Variants in MTUS1 observed in about 807,000 individuals in gnomAD.
MTUS1 encodes microtubule associated scaffold protein 1, also known as microtubule-associated tumor suppressor 1.
MTUS1 carries 109 observed loss-of-function variants against 120.8 expected under a neutral mutation model. That is an observed-to-expected ratio of 0.90 (90% CI 0.77 to 1.06). The LOEUF (loss-of-function observed/expected upper bound fraction) is 1.06, where lower values mean the gene tolerates loss of function less well. MTUS1 is among the 50% of genes least tolerant of loss of function. The probability of loss-of-function intolerance (pLI) is 0.00; values close to 1 mark genes in which losing one functional copy is unlikely to be tolerated. For missense variants in MTUS1, 2,210 were observed against 1,486.3 expected (o/e 1.49, Z -8.01); for synonymous variants, 737 against 550.5 (o/e 1.34, Z -4.74).
chr8:17,739,145 A>T (rs1197305430), intron 3 of MTUS1, among the ~76,000 whole-genome samples: 1 of 152,012 alleles, frequency 6.6e-6, no homozygotes, highest in Admixed American at 6.6e-5. Context: ...TGTCTCAAAA[A>T]AACAAACAAA....
At position 17,760,050 on chromosome 8, in the gene MTUS1, TC is replaced by T. The variant is rs145551523; in HGVS notation, c.-154-4090del. Among the ~76,000 whole-genome samples the T allele has an allele frequency of 2.9e-5, 4 of 138,856 alleles. No homozygotes were observed. In the Admixed American group the frequency reaches 3.0e-4, roughly 10 times the overall value. 91.1% of individuals were successfully genotyped at this position (138,856 alleles called of 152,430 possible). On this transcript the variant is annotated intron_variant, in intron 1 of 14. Transcript: ENST00000693296. ...ATAGCAGGACCCTACCTCTACGATT[TC>T]TTTTCTTTTTTTTTTTTTTTTTAGC... is the stretch of plus-strand genomic sequence containing the variant.
At chr8:17,765,875 G>A (rs2049448491) in intron 1 of MTUS1, among the ~76,000 whole-genome samples, 2 of 151,890 alleles carry the variant, frequency 1.3e-5, no homozygotes, top group Admixed American at 6.6e-5. Flanking sequence ...GTACCATAGG[G>A]CTTCTAAATT....
chr8:17,657,466 G>T (rs891948979), intron 8 of MTUS1, among the ~76,000 whole-genome samples: 1 of 150,256 alleles, frequency 6.7e-6, no homozygotes, highest in Non-Finnish European at 1.5e-5. Context: ...TACTTGGGAG[G>T]CTGAGGCAGG....
At chr8:17,761,686 C>T (rs1438805245) in intron 1 of MTUS1, among the ~76,000 whole-genome samples, 1 of 152,138 alleles carries the variant, frequency 6.6e-6, no homozygotes, top group African/African-American at 2.4e-5. Context: ...AAAAGTAAAA[C>T]ATAAGAACTG....
rs752375580 is a variant in MTUS1 at position 17,754,721 on chromosome 8, G to C, written c.1087C>G (p.Gln363Glu). ...ACTTTATGCTCTGGGTTCAGCACTT[G>C]AGCTTCGCTCTTATCAAAAGCTGGC... is the stretch of plus-strand genomic sequence containing the variant. ...MVPAFDKSEA[Q>E]VLNPEHKVTE... The change falls in exon 2 of 15, where the codon CAA becomes GAA. Residue 363 changes from glutamine (Q) to glutamate (E), a missense_variant. Gln to Glu is a conservative substitution (Grantham distance 29). Coordinates refer to ENST00000693296, the MANE Select transcript of MTUS1 (RefSeq NM_001363059.2). The C allele has an allele frequency of 1.2e-6, 2 of 1,614,198 alleles. No individual in the cohort carries two copies. The highest frequency in any genetic ancestry group is 8.5e-7 in the Non-Finnish European group (1 of 1,180,042).
chr8:17,656,545 A>ACCG (rs1563145862), intron 8 of MTUS1, among the ~76,000 whole-genome samples: 6 of 105,974 alleles, frequency 5.7e-5, no homozygotes, highest in South Asian at 3.8e-4. Context: ...AACAAACAAA[A>ACCG]CCCCCCCCCA....
chr8:17,774,217 C>G (rs1005753983), intron 1 of MTUS1, among the ~76,000 whole-genome samples: 1 of 152,174 alleles, frequency 6.6e-6, no homozygotes, highest in Admixed American at 6.6e-5. Context: ...AATCTGAAAC[C>G]CATTTAAACC....
At chr8:17,681,051 A>G (rs1026905582) in intron 7 of MTUS1, among the ~76,000 whole-genome samples, 3 of 151,980 alleles carry the variant, frequency 2.0e-5, no homozygotes, top group African/African-American at 7.3e-5. Flanking sequence ...CTTCTACCTT[A>G]GCCTCCCGAG....
intron 1 of MTUS1, among the ~76,000 whole-genome samples, chr8:17,767,005 A>G (rs1353371278): frequency 6.6e-6 from 1 of 152,170 alleles, no homozygotes. Flanking sequence ...TGACCAGTAT[A>G]TAATAAGACT....
chr8:17,754,428 C>A lies in MTUS1; in HGVS notation c.1380G>T (p.Gly460=). The change falls in exon 2 of 15, where the codon GGG becomes GGT. Residue 460 remains glycine (G), a synonymous_variant. Transcript: ENST00000693296. ...KCKKVEKGNR[G]LKNIPDSKEA... is the part of the protein sequence containing the mutation. ...CCTTCGAGTCTGGTATGTTTTTAAGCCCTCGATTACCCTTCTCCACTTTCT... is the reference window on the plus strand; with the variant it reads ...CCTTCGAGTCTGGTATGTTTTTAAGACCTCGATTACCCTTCTCCACTTTCT... 1 of 1,614,118 alleles carries A rather than the reference C, an allele frequency of 6.2e-7. No homozygotes were observed. The highest frequency in any genetic ancestry group is 1.1e-5 in the South Asian group (1 of 91,070).
At chr8:17,737,233 A>G (rs1055183017) in intron 3 of MTUS1, among the ~76,000 whole-genome samples, 1 of 152,198 alleles carries the variant, frequency 6.6e-6, no homozygotes, top group East Asian at 1.9e-4. Context: ...TGGACACGTT[A>G]CTGAAGCTTT....
chr8:17,656,314 G>C (rs987954444), intron 8 of MTUS1, among the ~76,000 whole-genome samples: 2 of 151,790 alleles, frequency 1.3e-5, no homozygotes, highest in East Asian at 3.9e-4. Flanking sequence ...AATCACCTGA[G>C]GTCAGGAGTT....
chr8:17,766,872 CT>C (rs925099833), intron 1 of MTUS1, among the ~76,000 whole-genome samples: 4 of 151,686 alleles, frequency 2.6e-5, no homozygotes, highest in African/African-American at 9.7e-5. Context: ...AAAATATGAT[CT>C]TTCTTTTAAT....
rs530781115 is a variant in MTUS1, at chr8:17,749,194, C to T, written c.2091+4523G>A. Among the ~76,000 whole-genome samples the T allele has an allele frequency of 3.9e-5, 6 of 152,228 alleles. No individual in the cohort carries two copies. The South Asian group carries it at 1.2e-3, about 32-fold the overall frequency. ...AACAAAGACCTTAAGACTGATAGAA[C>T]AGACTCTTTTAAGTCTGATAAGCAA... On this transcript the variant is annotated intron_variant, in intron 2 of 14. Coordinates refer to ENST00000693296, the MANE Select transcript of MTUS1 (RefSeq NM_001363059.2).
intron 3 of MTUS1, among the ~76,000 whole-genome samples, chr8:17,724,723 A>T (rs2046097808): frequency 6.6e-6 from 1 of 152,112 alleles, no homozygotes; most frequent in Non-Finnish European, 1.5e-5. Flanking sequence ...TTTCGCTCTT[A>T]ACCCTCCTCA....
intron 1 of MTUS1, among the ~76,000 whole-genome samples, chr8:17,766,365 G>C (rs975052857): frequency 2.6e-5 from 4 of 152,156 alleles, no homozygotes; most frequent in African/African-American, 9.7e-5. Context: ...TCATGCCAAA[G>C]GCCACATACA....
chr8:17,720,023 T>C lies in MTUS1; in HGVS notation c.2449+3649A>G, dbSNP rs574987810. On this transcript the variant is annotated intron_variant, in intron 4 of 14. Transcript: ENST00000693296. ...GCTGGAGGCTAAGAAAAGACAAAGA[T>C]AGTCCAACTTAACATGAGTTAGTAG... Among the ~76,000 whole-genome samples the C allele has an allele frequency of 1.8e-4, 27 of 152,214 alleles. No individual in the cohort carries two copies. In the East Asian group the frequency reaches 3.3e-3, roughly 19 times the overall value.
chr8:17,686,611 T>C (rs1234191232), intron 6 of MTUS1, among the ~76,000 whole-genome samples: 1 of 152,204 alleles, frequency 6.6e-6, no homozygotes. Context: ...AGAATTTCTA[T>C]GCTAATCAAC....
intron 6 of MTUS1, among the ~76,000 whole-genome samples, chr8:17,687,076 G>T (rs1458908458): frequency 6.6e-6 from 1 of 152,124 alleles, no homozygotes; most frequent in East Asian, 1.9e-4. Flanking sequence ...TGATTACTCA[G>T]GATAGCTTTA....
Sources: gnomAD v4.1 joint callset for allele counts (sites outside exome capture counted in the v4.1 genomes callset) on GRCh38, gnomAD v4.1.1 for gene constraint, MANE v1.5 for transcripts, NCBI Gene and HGNC (gene_info 2026-07-23, HGNC 2026-07-21) for gene names.